The following WWOX variants were observed in gnomAD, a reference collection of about 807,000 sequenced individuals.
WWOX encodes the protein WW domain-containing oxidoreductase.
WWOX carries 69 observed loss-of-function variants against 46.2 expected under a neutral mutation model. The observed-to-expected ratio is 1.49, with a 90% CI of 1.23 to 1.82. The LOEUF is 1.82. WWOX is among the 40% of genes most tolerant of loss of function. WWOX has a pLI of 0.00. For synonymous variants in WWOX, 359 were observed against 202.6 expected, an observed-to-expected ratio of 1.77 and a Z score of -6.56; for missense variants, 919 against 542.6, an observed-to-expected ratio of 1.69 and a Z score of -6.89.
intron 8 of WWOX, among the ~76,000 whole-genome samples, chr16:78,695,415 T>C (rs1238130939): frequency 6.6e-6 from 1 of 152,218 alleles, no homozygotes; most frequent in Non-Finnish European, 1.5e-5. Context: ...GCCGTGTCTC[T>C]TTTCTGTGAT....
At chr16:78,670,833 G>A (rs537124824) in intron 8 of WWOX, among the ~76,000 whole-genome samples, 1 of 152,040 alleles carries the variant, frequency 6.6e-6, no homozygotes, top group Non-Finnish European at 1.5e-5. Flanking sequence ...CTTTATAGAT[G>A]TAACTGAAAT....
intron 8 of WWOX, among the ~76,000 whole-genome samples, chr16:78,686,730 G>A (rs2047870205): frequency 6.6e-6 from 1 of 152,124 alleles, no homozygotes; most frequent in Non-Finnish European, 1.5e-5. Flanking sequence ...AGGCATTTAT[G>A]TTTATAAGCA....
chr16:78,748,568 C>G (rs927797623), intron 8 of WWOX, among the ~76,000 whole-genome samples: 10 of 152,256 alleles, frequency 6.6e-5, no homozygotes, highest in African/African-American at 2.2e-4. Flanking sequence ...GACCTCAGCT[C>G]TGATTACAAT....
At chr16:78,171,264 A>T (rs1412114815) in intron 5 of WWOX, among the ~76,000 whole-genome samples, 5 of 152,154 alleles carry the variant, frequency 3.3e-5, no homozygotes, top group Non-Finnish European at 7.3e-5. Flanking sequence ...GATGGGTAGG[A>T]TGCTGAGGAG....
At chr16:78,935,541 G>T (rs1373697720) in intron 8 of WWOX, among the ~76,000 whole-genome samples, 3 of 149,898 alleles carry the variant, frequency 2.0e-5, no homozygotes, top group East Asian at 2.0e-4. Flanking sequence ...TCACTAATAG[G>T]TGGGAATTGA....
At chr16:78,541,512 G>T (rs1422347351) in intron 8 of WWOX, among the ~76,000 whole-genome samples, 12 of 127,762 alleles carry the variant, frequency 9.4e-5, no homozygotes, top group African/African-American at 3.2e-4. Context: ...AAAAAGACAC[G>T]TACACAGACA....
chr16:78,732,525 G>T (rs907103598), intron 8 of WWOX, among the ~76,000 whole-genome samples: 3 of 152,122 alleles, frequency 2.0e-5, no homozygotes, highest in African/African-American at 7.2e-5. Flanking sequence ...CTGACCCACA[G>T]AATTCATGAA....
At chr16:78,928,762 G>A (rs968201801) in intron 8 of WWOX, among the ~76,000 whole-genome samples, 6 of 152,108 alleles carry the variant, frequency 3.9e-5, no homozygotes, top group Non-Finnish European at 4.4e-5. Context: ...TCTGTGATGT[G>A]TATAAAACAC....
chr16:78,922,078 G>A (rs894952823), intron 8 of WWOX, among the ~76,000 whole-genome samples: 9 of 152,154 alleles, frequency 5.9e-5, no homozygotes, highest in Non-Finnish European at 8.8e-5. Flanking sequence ...TTGTCAGACA[G>A]AGAAACTCAC....
At chr16:78,450,080 T>C (rs894361462) in intron 8 of WWOX, among the ~76,000 whole-genome samples, 1 of 152,120 alleles carries the variant, frequency 6.6e-6, no homozygotes, top group African/African-American at 2.4e-5. Context: ...AGGTTTGAGA[T>C]TGATTTTGAA....
intron 8 of WWOX, among the ~76,000 whole-genome samples, chr16:78,866,220 G>A (rs767848382): frequency 3.9e-5 from 6 of 152,072 alleles, no homozygotes; most frequent in Non-Finnish European, 5.9e-5. Context: ...AGTCTCCATA[G>A]CAGTGATATA....
chr16:78,782,568 G>A (rs9931648), intron 8 of WWOX, among the ~76,000 whole-genome samples: 5 of 151,570 alleles, frequency 3.3e-5, no homozygotes, highest in South Asian at 2.1e-4. Context: ...ATTCCCTTCC[G>A]TCCACCAGCC....
At chr16:78,974,529 C>G (rs2046533782) in intron 8 of WWOX, among the ~76,000 whole-genome samples, 1 of 152,196 alleles carries the variant, frequency 6.6e-6, no homozygotes, top group African/African-American at 2.4e-5. Flanking sequence ...AGGTTATCAA[C>G]TTTAATAAAC....
chr16:78,433,841 G>A (rs913052941), intron 8 of WWOX, among the ~76,000 whole-genome samples: 1 of 136,178 alleles, frequency 7.3e-6, no homozygotes, highest in Non-Finnish European at 1.5e-5. Flanking sequence ...CCAGGCTGGA[G>A]TGCAGTGGCG....
At chr16:78,929,871 C>A (rs982784) in intron 8 of WWOX, among the ~76,000 whole-genome samples, 14,113 of 152,172 alleles carry the variant, frequency 0.093, 768 homozygotes, top group Middle Eastern at 0.15. Context: ...CCTTTTTACC[C>A]AGTATCTAGC....
intron 8 of WWOX, chr16:79,016,943 G>C (rs751579083): frequency 6.6e-6 from 1 of 152,144 alleles, no homozygotes; most frequent in African/African-American, 2.4e-5. Context: ...CAGGTGATCC[G>C]ACCACCTCGA....
chr16:78,862,496 T>C (rs62036230), intron 8 of WWOX, among the ~76,000 whole-genome samples: 38,699 of 151,780 alleles, frequency 0.25, 5,036 homozygotes, highest in South Asian at 0.34. Flanking sequence ...ACACACACAT[T>C]TTTCTGTATA....
chr16:79,132,344 G>A (rs9646325), intron 8 of WWOX, among the ~76,000 whole-genome samples: 36,494 of 152,024 alleles, frequency 0.24, 4,717 homozygotes, highest in East Asian at 0.37. Flanking sequence ...CCAGTATTGG[G>A]ACTTCCGGTT....
intron 8 of WWOX, among the ~76,000 whole-genome samples, chr16:78,923,753 A>G (rs1043312309): frequency 6.6e-6 from 1 of 150,436 alleles, no homozygotes. Context: ...AAGTTTCACA[A>G]GTGATGATCT....
Sources: allele counts gnomAD v4.1 joint callset (sites outside exome capture counted in the v4.1 genomes callset), GRCh38; gene constraint gnomAD v4.1.1; transcripts MANE v1.5; gene names NCBI Gene and HGNC (gene_info 2026-07-23, HGNC 2026-07-21).